The following KCNQ3 variants were observed in gnomAD, a reference collection of about 807,000 sequenced individuals.
The protein encoded by KCNQ3 is potassium voltage-gated channel subfamily Q member 3.
KCNQ3 carries 30 observed loss-of-function variants against 92.5 expected under a neutral mutation model. The ratio of observed to expected loss-of-function variants is 0.32; its 90% CI spans 0.24 to 0.44. The LOEUF is 0.44. KCNQ3 is among the 20% of genes least tolerant of loss of function. KCNQ3 has a pLI of 1.00. For missense variants in KCNQ3, 913 were observed against 1,140.3 expected, an observed-to-expected ratio of 0.80 and a Z score of 2.87; for synonymous variants, 450 against 468.8, an observed-to-expected ratio of 0.96 and a Z score of 0.52.
At chr8:132,181,886 CA>C (rs200039049) in intron 3 of KCNQ3, among the ~76,000 whole-genome samples, 2 of 150,554 alleles carry the variant, frequency 1.3e-5, no homozygotes, top group Non-Finnish European at 1.5e-5. Flanking sequence ...ACTAAAAATA[CA>C]AAAAAAAATT....
At chr8:132,323,133 C>T (rs1361267159) in intron 1 of KCNQ3, among the ~76,000 whole-genome samples, 1 of 152,176 alleles carries the variant, frequency 6.6e-6, no homozygotes, top group Non-Finnish European at 1.5e-5. Flanking sequence ...GACCCTATGC[C>T]AAGCACTGAG....
At position 132,189,628 on chromosome 8, in the gene KCNQ3, T is replaced by A. The variant is rs542333145; in HGVS notation, c.387-3447A>T. Among the ~76,000 whole-genome samples, 7 of 151,374 alleles carry A rather than the reference T, an allele frequency of 4.6e-5. No homozygotes were observed. In the South Asian group the frequency reaches 1.5e-3, roughly 32 times the overall value. ...GATCGCCTGAGGTCGGGAGTTCGAG[T>A]CCAGCCTGACCAACGTGGAGAAACT... is the stretch of plus-strand genomic sequence containing the variant. On this transcript the variant is annotated intron_variant, in intron 1 of 14. Coordinates refer to ENST00000388996, the MANE Select transcript of KCNQ3 (RefSeq NM_004519.4).
intron 1 of KCNQ3, among the ~76,000 whole-genome samples, chr8:132,212,503 T>C (rs897781966): frequency 6.6e-6 from 1 of 152,100 alleles, no homozygotes; most frequent in Non-Finnish European, 1.5e-5. Flanking sequence ...GGACTGACTT[T>C]CAAGCATCTT....
chr8:132,394,907 A>G (rs1278876457), intron 1 of KCNQ3, among the ~76,000 whole-genome samples: 1 of 152,296 alleles, frequency 6.6e-6, no homozygotes, highest in East Asian at 1.9e-4. Context: ...ACACAACTTA[A>G]GACCAATGGT....
At chr8:132,134,481 G>T in intron 12 of KCNQ3, 93 bp from the exon 13 acceptor site, 4 of 889,274 alleles carry the variant, frequency 4.5e-6, no homozygotes, top group Non-Finnish European at 7.1e-6. Context: ...ATGAGATAAG[G>T]GTTTGGAATA....
intron 1 of KCNQ3, among the ~76,000 whole-genome samples, chr8:132,406,768 T>G (rs1382348419): frequency 2.6e-5 from 4 of 152,212 alleles, no homozygotes; most frequent in Non-Finnish European, 5.9e-5. Context: ...ACATTAAATA[T>G]ACAATTCAAT....
intron 1 of KCNQ3, among the ~76,000 whole-genome samples, chr8:132,473,391 TG>T (rs1179808213): frequency 2.0e-5 from 3 of 152,226 alleles, no homozygotes; most frequent in African/African-American, 7.2e-5. Flanking sequence ...CATTCTACTC[TG>T]GCTGGGACGT....
intron 1 of KCNQ3, among the ~76,000 whole-genome samples, chr8:132,313,787 C>G (rs182963627): frequency 1.3e-5 from 2 of 152,108 alleles, no homozygotes; most frequent in African/African-American, 4.8e-5. Context: ...TTTGCAAAAG[C>G]AAAGAAAAAT....
intron 1 of KCNQ3, among the ~76,000 whole-genome samples, chr8:132,187,939 G>T (rs62519610): frequency 4.3e-5 from 6 of 137,964 alleles, no homozygotes; most frequent in Admixed American, 6.9e-5. Flanking sequence ...AGTGATGGTG[G>T]TGGTGGTGGT....
At chr8:132,443,860 C>G (rs1821602960) in intron 1 of KCNQ3, among the ~76,000 whole-genome samples, 1 of 152,112 alleles carries the variant, frequency 6.6e-6, no homozygotes, top group African/African-American at 2.4e-5. Flanking sequence ...TCTTTACCCC[C>G]CCATTTGTCT....
intron 1 of KCNQ3, among the ~76,000 whole-genome samples, chr8:132,355,806 T>C (rs1024568801): frequency 2.0e-5 from 3 of 152,202 alleles, no homozygotes; most frequent in African/African-American, 4.8e-5. Flanking sequence ...CCACGGAGTC[T>C]AGGCTTACTG....
chr8:132,277,977 C>T (rs1586889238), intron 1 of KCNQ3: 1 of 985,242 alleles, frequency 1.0e-6, no homozygotes, highest in African/African-American at 1.7e-5. Flanking sequence ...ACCTTCACCC[C>T]CACAGGACAG....
intron 1 of KCNQ3, among the ~76,000 whole-genome samples, chr8:132,401,414 T>C (rs1413624758): frequency 6.6e-6 from 1 of 152,018 alleles, no homozygotes; most frequent in African/African-American, 2.4e-5. Context: ...TCTTGCTCTG[T>C]CGCCAGGCTG....
At position 132,201,606 on chromosome 8, in the gene KCNQ3, A is replaced by G. The variant is rs116711997; in HGVS notation, c.387-15425T>C. ...AAGTCCAAAACTCAACAGCACAGAT[A>G]TTAAACATTAAGATAAGACTCCGGA... On this transcript the variant is annotated intron_variant, in intron 1 of 14. Coordinates refer to ENST00000388996, the MANE Select transcript of KCNQ3 (RefSeq NM_004519.4). 3.8e-3 allele frequency among the ~76,000 whole-genome samples: 578 copies of G among 152,346 alleles called. 3 individuals are homozygous for G. Among genetic ancestry groups the G allele is most frequent in the African/African-American group, 0.013 (534 of 41,588 alleles).
At chr8:132,324,203 C>T (rs765112009) in intron 1 of KCNQ3, among the ~76,000 whole-genome samples, 41 of 152,302 alleles carry the variant, frequency 2.7e-4, no homozygotes, top group Non-Finnish European at 5.3e-4. Flanking sequence ...TGTCCTGTCC[C>T]GTCAGCATGG....
chr8:132,465,032 C>T (rs903345332), intron 1 of KCNQ3, among the ~76,000 whole-genome samples: 6 of 152,006 alleles, frequency 3.9e-5, no homozygotes, highest in Admixed American at 1.3e-4. Context: ...AGTCATGGCA[C>T]AAAAAGAGGA....
intron 1 of KCNQ3, among the ~76,000 whole-genome samples, chr8:132,419,440 T>C (rs149080125): frequency 3.2e-4 from 48 of 152,360 alleles, no homozygotes; most frequent in African/African-American, 1.1e-3. Flanking sequence ...CCATTGTTAA[T>C]ACACTGATGG....
intron 1 of KCNQ3, among the ~76,000 whole-genome samples, chr8:132,187,851 AGTG>A: frequency 1.1e-5 from 1 of 91,706 alleles, no homozygotes; most frequent in East Asian, 3.6e-4. Context: ...TGGTGGTGGT[AGTG>A]ATGGTGGTGG....
intron 1 of KCNQ3, among the ~76,000 whole-genome samples, chr8:132,348,755 CCTT>C (rs1339824718): frequency 6.6e-6 from 1 of 152,156 alleles, no homozygotes; most frequent in East Asian, 1.9e-4. Flanking sequence ...GAAAGTGACT[CCTT>C]CTTGACTTTC....
Sources: allele counts gnomAD v4.1 joint callset (sites outside exome capture counted in the v4.1 genomes callset), GRCh38; gene constraint gnomAD v4.1.1; transcripts MANE v1.5; gene names NCBI Gene and HGNC (gene_info 2026-07-23, HGNC 2026-07-21).